Variants in SRBD1 observed in about 807,000 individuals in gnomAD.
SRBD1 encodes the protein S1 RNA-binding domain-containing protein 1.
SRBD1 carries 88 observed loss-of-function variants against 115.3 expected under a neutral mutation model. The observed-to-expected ratio is 0.76, with a 90% CI of 0.64 to 0.91. The LOEUF (loss-of-function observed/expected upper bound fraction) is 0.91. Ranked by LOEUF, SRBD1 falls within the 40% of genes least tolerant of loss-of-function variation. SRBD1 has a pLI of 0.00. For synonymous variants in SRBD1, 509 were observed against 407.7 expected (o/e 1.25, Z -2.99); for missense variants, 1,385 against 1,177.4 (o/e 1.18, Z -2.58).
intron 14 of SRBD1, among the ~76,000 whole-genome samples, chr2:45,520,777 T>C (rs187590570): frequency 1.3e-4 from 20 of 152,024 alleles, no homozygotes; most frequent in East Asian, 1.2e-3. Flanking sequence ...CAGGGGAAGA[T>C]CATCTTCCCA....
At chr2:45,599,054 T>C (rs1173751659) in intron 4 of SRBD1, among the ~76,000 whole-genome samples, 1 of 152,220 alleles carries the variant, frequency 6.6e-6, no homozygotes, top group East Asian at 1.9e-4. Context: ...TACAACATTA[T>C]ACTAAGGGTT....
intron 10 of SRBD1, among the ~76,000 whole-genome samples, chr2:45,560,484 C>T (rs967882225): frequency 1.3e-5 from 2 of 152,204 alleles, no homozygotes; most frequent in Admixed American, 1.3e-4. Context: ...CTTCACCAGA[C>T]ATTGTGCTAT....
chr2:45,434,985 C>T (rs1254761185), intron 16 of SRBD1, among the ~76,000 whole-genome samples: 1 of 151,350 alleles, frequency 6.6e-6, no homozygotes, highest in African/African-American at 2.4e-5. Context: ...GTGTTCTCAT[C>T]GTTCAATTCC....
intron 14 of SRBD1, among the ~76,000 whole-genome samples, chr2:45,500,333 T>C (rs1670590997): frequency 6.6e-6 from 1 of 151,882 alleles, no homozygotes; most frequent in Non-Finnish European, 1.5e-5. Flanking sequence ...ATTCTGTGTG[T>C]ATGGTGTGTA....
intron 14 of SRBD1, among the ~76,000 whole-genome samples, chr2:45,502,469 G>A (rs1670663763): frequency 6.6e-6 from 1 of 152,114 alleles, no homozygotes; most frequent in Admixed American, 6.5e-5. Flanking sequence ...AAGAAAATGT[G>A]GCACATATAC....
intron 16 of SRBD1, among the ~76,000 whole-genome samples, chr2:45,428,100 G>A (rs1052152803): frequency 2.6e-5 from 4 of 152,176 alleles, no homozygotes; most frequent in Non-Finnish European, 5.9e-5. Flanking sequence ...ATAGTTGGAA[G>A]TAAAACGCTC....
chr2:45,573,286 T>C lies in SRBD1; in HGVS notation c.1226A>G (p.Lys409Arg), dbSNP rs746066394. Residue 409 changes from lysine to arginine, a missense_variant, in exon 9 of 21, where the codon AAG becomes AGG. Lys to Arg is a conservative substitution (Grantham distance 26). Coordinates refer to ENST00000263736, the MANE Select transcript of SRBD1 (RefSeq NM_018079.5). ...QSSLAKVSSK[K>R]VNEKDVDKFL... ...CTTATCAACATCTTTCTCATTTACCTTTTTTGAGGATACTTTTGCCAGAGA... is the reference window on the plus strand; with the variant it reads ...CTTATCAACATCTTTCTCATTTACCCTTTTTGAGGATACTTTTGCCAGAGA... The C allele has an allele frequency of 2.5e-6, 4 of 1,611,846 alleles. No individual in the cohort carries two copies. The East Asian group carries it at 6.7e-5, about 27-fold the overall frequency.
At chr2:45,391,047 G>T (rs1666983349) in intron 20 of SRBD1, among the ~76,000 whole-genome samples, 1 of 152,142 alleles carries the variant, frequency 6.6e-6, no homozygotes, top group African/African-American at 2.4e-5. Context: ...CATAGGCATT[G>T]TTTTTATGCT....
chr2:45,547,572 T>C lies in SRBD1; in HGVS notation c.1716A>G (p.Gly572=). The change falls in exon 13 of 21, where the codon GGA becomes GGG. Residue 572 remains glycine, a synonymous_variant. Coordinates refer to ENST00000263736, the MANE Select transcript of SRBD1 (RefSeq NM_018079.5). ...TTTTCTCCGCCTCTCGGAAGCCTTG[T>C]CCACAATGCAAGTAAACCACATCAG... ...LHTDVVYLHC[G]QGFREAEKIK... is the part of the protein sequence containing the mutation. The C allele has an allele frequency of 6.2e-7, 1 of 1,613,874 alleles. No individual in the cohort carries two copies. Among genetic ancestry groups the C allele is most frequent in the East Asian group, 2.2e-5 (1 of 44,868 alleles).
At chr2:45,476,905 C>A in intron 16 of SRBD1, 88 bp downstream of exon 16, 1 of 1,214,246 alleles carries the variant, frequency 8.2e-7, no homozygotes, top group Non-Finnish European at 1.2e-6. Flanking sequence ...GGAATCTACT[C>A]CCACAGACAC....
chr2:45,527,857 A>C (rs1477938583), intron 14 of SRBD1, among the ~76,000 whole-genome samples: 1 of 151,830 alleles, frequency 6.6e-6, no homozygotes, highest in Non-Finnish European at 1.5e-5. Flanking sequence ...ACATTCAAAG[A>C]ACTAAATTCC....
intron 4 of SRBD1, among the ~76,000 whole-genome samples, chr2:45,586,557 T>G (rs915595767): frequency 6.6e-6 from 1 of 152,146 alleles, no homozygotes; most frequent in African/African-American, 2.4e-5. Flanking sequence ...AATTTTTTTA[T>G]TTTTTTGAGA....
Position 45,587,123 on chromosome 2 carries a change from TA to T in SRBD1, c.649-1350del, listed in dbSNP as rs1380274339. Among the ~76,000 whole-genome samples, 15 of 131,004 alleles carry T rather than the reference TA, an allele frequency of 1.1e-4. No homozygotes were observed. In the East Asian group the frequency reaches 2.8e-3, roughly 25 times the overall value. 85.9% of individuals were successfully genotyped at this position (131,004 alleles called of 152,430 possible). On this transcript the variant is annotated intron_variant, in intron 4 of 20. Transcript: ENST00000263736. Reference sequence around the variant, plus strand: ...TTTAATTATTTTAAAATATAATTATTAAAATATTTAAAATTTTTTAAATATT... The same window carrying T: ...TTTAATTATTTTAAAATATAATTATTAAATATTTAAAATTTTTTAAATATT...
intron 5 of SRBD1, among the ~76,000 whole-genome samples, chr2:45,582,763 TCTAGTTTCCCTGCCCCAGC>T (rs1313730448): frequency 6.6e-6 from 1 of 152,160 alleles, no homozygotes; most frequent in East Asian, 1.9e-4. Context: ...AGGCTTATCT[TCTAGTTTCCCTGCCCCAGC>T]CCTGGAATCA....
intron 4 of SRBD1, among the ~76,000 whole-genome samples, chr2:45,586,045 A>T (rs1402853741): frequency 6.6e-6 from 1 of 152,172 alleles, no homozygotes; most frequent in East Asian, 1.9e-4. Flanking sequence ...TAATGATGCA[A>T]TGATATACTT....
chr2:45,460,821 CA>C (rs1669290125), intron 16 of SRBD1, among the ~76,000 whole-genome samples: 2 of 152,134 alleles, frequency 1.3e-5, no homozygotes, highest in Non-Finnish European at 2.9e-5. Flanking sequence ...TTGAGAGGCC[CA>C]ACCAATGCCA....
chr2:45,470,049 C>T (rs949370414), intron 16 of SRBD1, among the ~76,000 whole-genome samples: 4 of 152,084 alleles, frequency 2.6e-5, no homozygotes, highest in African/African-American at 4.8e-5. Flanking sequence ...CCTAGGTGAC[C>T]GGGCATGGGA....
At chr2:45,450,999 A>T (rs1159933428) in intron 16 of SRBD1, among the ~76,000 whole-genome samples, 1 of 152,158 alleles carries the variant, frequency 6.6e-6, no homozygotes, top group Non-Finnish European at 1.5e-5. Flanking sequence ...TTTGAACGGG[A>T]TCTCTTTTCA....
intron 16 of SRBD1, among the ~76,000 whole-genome samples, chr2:45,443,507 G>C (rs1214402739): frequency 6.6e-6 from 1 of 152,068 alleles, no homozygotes; most frequent in Non-Finnish European, 1.5e-5. Flanking sequence ...GACATGTTAA[G>C]TTTGAGAAGC....
Sources: allele counts gnomAD v4.1 joint callset (sites outside exome capture counted in the v4.1 genomes callset), GRCh38; gene constraint gnomAD v4.1.1; transcripts MANE v1.5; gene names NCBI Gene and HGNC (gene_info 2026-07-23, HGNC 2026-07-21).